Variants in ANKRD42 observed in about 807,000 individuals in gnomAD.
ANKRD42 encodes ankyrin repeat domain-containing protein 42.
ANKRD42 carries 43 observed loss-of-function variants against 51.5 expected under a neutral mutation model. The ratio of observed to expected loss-of-function variants is 0.83; its 90% CI spans 0.65 to 1.08. The LOEUF (loss-of-function observed/expected upper bound fraction) is 1.08, where lower values mean the gene tolerates loss of function less well. ANKRD42 is among the 50% of genes least tolerant of loss of function. The pLI, the probability that ANKRD42 is intolerant of heterozygous loss-of-function variation, is 0.00. For missense variants in ANKRD42, 608 were observed against 629.3 expected (o/e 0.97, Z 0.36); for synonymous variants, 203 against 213.0 (o/e 0.95, Z 0.41).
rs1437612172 is a variant in ANKRD42 at position 83,240,806 on chromosome 11, A to G, written c.1067A>G (p.Tyr356Cys). ...AVKLLEELQK[Y>C]DIDDENEIDE... ...AAGCTGTTAGAGGAGCTACAGAAAT[A>G]TGATATAGATGACGAAAATGAAATT... Residue 356 changes from tyrosine (Y) to cysteine (C), a missense_variant, in exon 9 of 11, where the codon TAT (tyrosine) becomes TGT (cysteine). Coordinates refer to ENST00000533342, the MANE Select transcript of ANKRD42 (RefSeq NM_001300975.2). 6.2e-7 allele frequency: 1 copy of G among 1,614,172 alleles called. No homozygotes were observed. Among genetic ancestry groups the G allele is most frequent in the Non-Finnish European group, 8.5e-7 (1 of 1,179,998 alleles).
chr11:83,223,687 AG>A, intron 5 of ANKRD42, among the ~76,000 whole-genome samples: 1 of 152,288 alleles, frequency 6.6e-6, no homozygotes, highest in East Asian at 1.9e-4. Flanking sequence ...CTGAAGTTTC[AG>A]GGGGGCAGGG....
At chr11:83,221,796 G>A (rs1217313645) in intron 5 of ANKRD42, among the ~76,000 whole-genome samples, 1 of 152,192 alleles carries the variant, frequency 6.6e-6, no homozygotes, top group African/African-American at 2.4e-5. Flanking sequence ...CTCTGATTTG[G>A]TGTCTCCTTT....
Position 83,194,140 on chromosome 11 carries a change from A to C in ANKRD42, c.-531A>C, listed in dbSNP as rs1336769627. ...TTGGGAGAGAGTTAGGGGAGACAGC[A>C]CCTTCTGCAGCAGCGACGTGAATTT... On this transcript the variant is annotated 5_prime_UTR_variant, in exon 1 of 11. Coordinates refer to ENST00000533342, the MANE Select transcript of ANKRD42 (RefSeq NM_001300975.2). 1 of 456,736 alleles carries C rather than the reference A, an allele frequency of 2.2e-6. No individual in the cohort carries two copies. The highest frequency in any genetic ancestry group is 4.4e-6 in the Non-Finnish European group (1 of 226,980). 28.3% of individuals were successfully genotyped at this position (456,736 alleles called of 1,614,324 possible). A position where few individuals can be genotyped will look rare whatever the true frequency, so the allele number is the denominator to read the frequency against.
At chr11:83,222,173 A>T (rs1333701094) in intron 5 of ANKRD42, among the ~76,000 whole-genome samples, 1 of 152,098 alleles carries the variant, frequency 6.6e-6, no homozygotes, top group South Asian at 2.1e-4. Context: ...ATTCTGGGCT[A>T]TTGCTAGTGA....
intron 7 of ANKRD42, among the ~76,000 whole-genome samples, chr11:83,230,566 G>T (rs899152287): frequency 6.6e-6 from 1 of 151,794 alleles, no homozygotes; most frequent in African/African-American, 2.4e-5. Flanking sequence ...TTCTATCCAT[G>T]TTGTTGCAAA....
chr11:83,201,392 A>G (rs1861867767), intron 2 of ANKRD42, among the ~76,000 whole-genome samples: 3 of 152,112 alleles, frequency 2.0e-5, no homozygotes, highest in South Asian at 2.1e-4. Flanking sequence ...TCTTTAGCCT[A>G]TCATTGATGG....
chr11:83,222,009 A>G (rs1220780778), intron 5 of ANKRD42, among the ~76,000 whole-genome samples: 1 of 152,218 alleles, frequency 6.6e-6, no homozygotes, highest in Admixed American at 6.5e-5. Context: ...TTTCCAGTAT[A>G]AAAACTGTGA....
chr11:83,233,833 C>T (rs1484319959), intron 7 of ANKRD42, among the ~76,000 whole-genome samples: 1 of 152,184 alleles, frequency 6.6e-6, no homozygotes, highest in Non-Finnish European at 1.5e-5. Flanking sequence ...CAGGCATGTG[C>T]CATCATGCCC....
chr11:83,199,592 A>G (rs918375251), intron 2 of ANKRD42, among the ~76,000 whole-genome samples: 11 of 152,156 alleles, frequency 7.2e-5, no homozygotes, highest in African/African-American at 2.7e-4. Context: ...GAGTATTTTA[A>G]TGCAAATCTG....
At chr11:83,228,217 A>ATC (rs1311048044) in intron 7 of ANKRD42, among the ~76,000 whole-genome samples, 1 of 118,392 alleles carries the variant, frequency 8.4e-6, no homozygotes, top group Non-Finnish European at 1.8e-5. Flanking sequence ...AATAGAAATC[A>ATC]TCCCTCTCTC....
Position 83,248,195 on chromosome 11 carries a change from T to C in ANKRD42, c.1575T>C (p.Ser525=). 1 of 1,502,468 alleles carries C rather than the reference T, an allele frequency of 6.7e-7. No individual in the cohort carries two copies. Among genetic ancestry groups the C allele is most frequent in the Non-Finnish European group, 8.9e-7 (1 of 1,128,290 alleles). 93.1% of individuals were successfully genotyped at this position (1,502,468 alleles called of 1,614,324 possible). A position where few individuals can be genotyped will look rare whatever the true frequency, so the allele number is the denominator to read the frequency against. Residue 525 remains serine (S), a synonymous_variant, in exon 11 of 11, where the codon AGT becomes AGC. Coordinates refer to ENST00000533342, the MANE Select transcript of ANKRD42 (RefSeq NM_001300975.2). The part of the protein sequence containing the change: ...WGSLDLNPGY[S]LF ...CTTTGGACTTGAATCCTGGCTATAG[T>C]CTTTTTTGATTTGGGCTACTCATTT... is the stretch of plus-strand genomic sequence containing the variant.
At chr11:83,222,648 C>T (rs1862749629) in intron 5 of ANKRD42, among the ~76,000 whole-genome samples, 1 of 152,062 alleles carries the variant, frequency 6.6e-6, no homozygotes, top group Non-Finnish European at 1.5e-5. Context: ...TGTAAATCTC[C>T]TGAGGGAGGG....
At chr11:83,241,996 C>T (rs542461039) in intron 9 of ANKRD42, among the ~76,000 whole-genome samples, 21 of 152,238 alleles carry the variant, frequency 1.4e-4, no homozygotes, top group African/African-American at 2.4e-4. Flanking sequence ...CAAGAGCAGA[C>T]GTAGAATATC....
intron 2 of ANKRD42, among the ~76,000 whole-genome samples, chr11:83,203,255 A>T (rs1476963539): frequency 6.6e-6 from 1 of 152,122 alleles, no homozygotes. Flanking sequence ...TTGGCCTCCC[A>T]ATAGGGATTA....
intron 6 of ANKRD42, among the ~76,000 whole-genome samples, chr11:83,225,970 G>A (rs1344353686): frequency 6.6e-6 from 1 of 151,902 alleles, no homozygotes; most frequent in Non-Finnish European, 1.5e-5. Context: ...TCCCAGGCTG[G>A]TCTCAAACTC....
downstream of ANKRD42, among the ~76,000 whole-genome samples, chr11:83,253,554 T>C (rs537114391): frequency 1.2e-4 from 19 of 152,302 alleles, no homozygotes; most frequent in East Asian, 3.1e-3. Flanking sequence ...CCCACAAGGA[T>C]TTTTGTCTAA....
At chr11:83,236,100 C>T (rs1344620835) in intron 7 of ANKRD42, among the ~76,000 whole-genome samples, 3 of 152,166 alleles carry the variant, frequency 2.0e-5, no homozygotes, top group Non-Finnish European at 4.4e-5. Context: ...TAGTTTCAAA[C>T]TACTTTTTAC....
At chr11:83,260,287 GGACTA>G (rs775088728), downstream of ANKRD42, 2 of 152,050 alleles carry the variant, frequency 1.3e-5, no homozygotes, top group Non-Finnish European at 2.9e-5. Context: ...GTGCACACAG[GGACTA>G]GCATGCTGTT....
intron 7 of ANKRD42, among the ~76,000 whole-genome samples, chr11:83,230,449 G>A (rs1354336176): frequency 6.6e-6 from 1 of 152,056 alleles, no homozygotes; most frequent in Non-Finnish European, 1.5e-5. Flanking sequence ...TACTCTTTGT[G>A]TCCGTGAGAT....
Sources: allele counts gnomAD v4.1 joint callset (sites outside exome capture counted in the v4.1 genomes callset), GRCh38; gene constraint gnomAD v4.1.1; transcripts MANE v1.5; gene names NCBI Gene and HGNC (gene_info 2026-07-23, HGNC 2026-07-21).